The following EZH2 variants were observed in gnomAD, a reference collection of about 807,000 sequenced individuals.
The protein encoded by EZH2 is enhancer of zeste 2 polycomb repressive complex 2 subunit, also known as histone-lysine N-methyltransferase EZH2.
A neutral mutation model predicts 98.4 loss-of-function variants in EZH2; 18 were observed. The observed-to-expected ratio is 0.18, with a 90% CI of 0.13 to 0.27. EZH2 has a LOEUF of 0.27. Ranked by LOEUF, EZH2 falls within the 10% of genes least tolerant of loss-of-function variation. The pLI, the probability that EZH2 is intolerant of heterozygous loss-of-function variation, is 1.00. For missense variants in EZH2, 470 were observed against 935.1 expected (o/e 0.50, Z 6.49); for synonymous variants, 338 against 312.3 (o/e 1.08, Z -0.87).
At position 148,845,242 on chromosome 7, in the gene EZH2, T is replaced by A. The variant is rs554178917; in HGVS notation, c.246+1228A>T. ...CTAAAAGGTCACCAAATAAAAACTT[T>A]CAAAGCAATTACTTAAAAGCCCCAT... On this transcript the variant is annotated intron_variant, in intron 3 of 19. Transcript: ENST00000320356. Among the ~76,000 whole-genome samples, 25 of 152,322 alleles carry A rather than the reference T, an allele frequency of 1.6e-4. No homozygotes were observed. The South Asian group carries it at 5.0e-3, about 30-fold the overall frequency.
At position 148,823,562 on chromosome 7, in the gene EZH2, A is replaced by C. The variant is rs147947900; in HGVS notation, c.907+2892T>G. Among the ~76,000 whole-genome samples, 565 of 152,310 alleles carry C rather than the reference A, an allele frequency of 3.7e-3. 2 individuals are homozygous for C. Among genetic ancestry groups the C allele is most frequent in the African/African-American group, 0.013 (549 of 41,570 alleles). Reference sequence around the variant, plus strand: ...AATACGAGAACCAATAAAAGTGGTTAACTACTAATAAAAGTGGAAGAGTGA... The same window carrying C: ...AATACGAGAACCAATAAAAGTGGTTCACTACTAATAAAAGTGGAAGAGTGA... On this transcript the variant is annotated intron_variant, in intron 8 of 19. Transcript: ENST00000320356.
rs1004194117 is a variant in EZH2, at chr7:148,829,830, A to G, written c.382T>C (p.Leu128=). ...TCTCCCATATAAGGAATGTTATGTAAAACAGTTTCATCTTCCACCTAAAAG... is the reference window on the plus strand; with the variant it reads ...TCTCCCATATAAGGAATGTTATGTAGAACAGTTTCATCTTCCACCTAAAAG... ...QNFMVEDETV[L]HNIPYMGDEV... is the part of the protein sequence containing the mutation. Residue 128 remains leucine, a synonymous_variant, in exon 5 of 20, where the codon TTA becomes CTA. Transcript: ENST00000320356. The G allele has an allele frequency of 1.3e-6, 2 of 1,583,612 alleles. No homozygotes were observed. The highest frequency in any genetic ancestry group is 1.4e-5 in the African/African-American group (1 of 73,740).
intron 1 of EZH2, chr7:148,883,341 ACAAT>A (rs1382854229): frequency 6.6e-6 from 1 of 152,358 alleles, no homozygotes; most frequent in Non-Finnish European, 1.5e-5. Flanking sequence ...CTCCAGAAAC[ACAAT>A]CAATAGAGAG....
At chr7:148,815,767 T>C (rs1804383358) in intron 12 of EZH2, among the ~76,000 whole-genome samples, 1 of 152,220 alleles carries the variant, frequency 6.6e-6, no homozygotes, top group Non-Finnish European at 1.5e-5. Flanking sequence ...CCTGTGTTCA[T>C]CCATGACTCC....
intron 17 of EZH2, among the ~76,000 whole-genome samples, chr7:148,809,646 A>G (rs1479893356): frequency 7.4e-6 from 1 of 135,672 alleles, no homozygotes; most frequent in Non-Finnish European, 1.6e-5. Context: ...AACATACATT[A>G]CTGAGCAAAA....
chr7:148,881,969 C>CGT (rs1821043316), intron 1 of EZH2, among the ~76,000 whole-genome samples: 1 of 47,254 alleles, frequency 2.1e-5, no homozygotes, highest in Non-Finnish European at 4.0e-5. Flanking sequence ...CACACACGCG[C>CGT]GCGCACACAC....
At chr7:148,860,755 T>G (rs1224605807) in intron 1 of EZH2, among the ~76,000 whole-genome samples, 1 of 152,218 alleles carries the variant, frequency 6.6e-6, no homozygotes, top group African/African-American at 2.4e-5. Context: ...CACTACAGCC[T>G]CGCCCTCCTG....
chr7:148,809,152 A>G lies in EZH2; in HGVS notation c.2114T>C (p.Met705Thr). The G allele has an allele frequency of 1.2e-6, 2 of 1,614,172 alleles. No individual in the cohort carries two copies. The highest frequency in any genetic ancestry group is 1.7e-6 in the Non-Finnish European group (2 of 1,179,966). Residue 705 changes from methionine (M) to threonine (T), a missense_variant, in exon 19 of 20, where the codon ATG becomes ACG. By Grantham distance (81) the Met-to-Thr change is moderately conservative. Transcript: ENST00000320356. ...TATCCTGTGATCACCGTTAACCATC[A>G]TAACTGCAAAGAGACACACTGGTGT... Reference protein sequence around the residue: ...SVNPNCYAKVMMVNGDHRIGI... With the variant: ...SVNPNCYAKVTMVNGDHRIGI...
At chr7:148,851,348 T>C (rs923190965) in intron 1 of EZH2, among the ~76,000 whole-genome samples, 2 of 152,144 alleles carry the variant, frequency 1.3e-5, no homozygotes, top group East Asian at 1.9e-4. Context: ...AGGAAGCTGA[T>C]ATTGCCTTAA....
intron 1 of EZH2, among the ~76,000 whole-genome samples, chr7:148,861,230 T>C (rs1817619411): frequency 3.4e-5 from 1 of 29,302 alleles, no homozygotes; most frequent in African/African-American, 2.0e-4. Context: ...ATTTGTATCT[T>C]TTTTTTTTTT....
chr7:148,831,569 A>G (rs1010007942), intron 4 of EZH2, among the ~76,000 whole-genome samples: 5 of 152,148 alleles, frequency 3.3e-5, no homozygotes, highest in Non-Finnish European at 7.4e-5. Context: ...TCATAAATTA[A>G]TGACAAATTT....
intron 7 of EZH2, 38 bp from the exon 8 acceptor site, chr7:148,826,670 C>T: frequency 1.4e-6 from 2 of 1,416,640 alleles, no homozygotes; most frequent in Non-Finnish European, 1.9e-6. Flanking sequence ...AAACATGAAA[C>T]AAAAATCACT....
chr7:148,864,424 T>C (rs1818136717), intron 1 of EZH2, among the ~76,000 whole-genome samples: 2 of 152,208 alleles, frequency 1.3e-5, no homozygotes, highest in Admixed American at 6.5e-5. Flanking sequence ...GGCTCACACC[T>C]GTAATCCCAG....
chr7:148,808,786 C>A (rs528443773), intron 19 of EZH2, among the ~76,000 whole-genome samples: 12 of 152,196 alleles, frequency 7.9e-5, no homozygotes, highest in African/African-American at 2.2e-4. Flanking sequence ...ATGCAGCATG[C>A]GGCATGATAT....
chr7:148,858,842 T>C (rs573823818), intron 1 of EZH2, among the ~76,000 whole-genome samples: 1 of 151,168 alleles, frequency 6.6e-6, no homozygotes, highest in Admixed American at 6.5e-5. Flanking sequence ...CATGTCTACT[T>C]GAAGAGATAA....
intron 1 of EZH2, among the ~76,000 whole-genome samples, chr7:148,863,353 AG>A (rs891176926): frequency 3.9e-5 from 6 of 152,210 alleles, no homozygotes; most frequent in African/African-American, 1.4e-4. Context: ...TATTTAATGA[AG>A]GGTACTTTAT....
rs1009058514 is a variant in EZH2 at position 148,819,683 on chromosome 7, A to G, written c.912T>C (p.Phe304=). ...GCTTATAAGTGTTGGGTGTTGCATG[A>G]AAAGCTGCAAAATAAATGAAACAAA... ...CFLHRKCNYS[F]HATPNTYKRK... The change falls in exon 9 of 20, where the codon TTT becomes TTC. Residue 304 remains phenylalanine (F), a synonymous_variant. Transcript: ENST00000320356. 5 of 1,613,586 alleles carry G rather than the reference A, an allele frequency of 3.1e-6. No homozygotes were observed. Among genetic ancestry groups the G allele is most frequent in the Non-Finnish European group, 4.2e-6 (5 of 1,179,730 alleles).
In EZH2 at chr7:148,817,203, T is replaced by C. The variant is rs916007011; in HGVS notation, c.1410+19A>G. 6.9e-6 allele frequency: 11 copies of C among 1,601,900 alleles called. No homozygotes were observed. The East Asian group carries it at 1.3e-4, about 20-fold the overall frequency. On this transcript the variant is annotated intron_variant, in intron 11 of 19. Transcript: ENST00000320356. Reference sequence around the variant, plus strand: ...TATGTTTGAAGCTCTTTTAACAACATTTTTATCGGATATCTTACCTGTCTA... The same window carrying C: ...TATGTTTGAAGCTCTTTTAACAACACTTTTATCGGATATCTTACCTGTCTA...
At chr7:148,864,728 T>G (rs1255802575) in intron 1 of EZH2, among the ~76,000 whole-genome samples, 1 of 151,998 alleles carries the variant, frequency 6.6e-6, no homozygotes, top group South Asian at 2.1e-4. Flanking sequence ...AGTTTAAGTT[T>G]TTCTTGAAAA....
Sources: gnomAD v4.1 joint callset for allele counts (sites outside exome capture counted in the v4.1 genomes callset) on GRCh38, gnomAD v4.1.1 for gene constraint, MANE v1.5 for transcripts, NCBI Gene and HGNC (gene_info 2026-07-23, HGNC 2026-07-21) for gene names.